SNW1: variants seen among roughly 807,000 people sequenced by gnomAD.
The protein encoded by SNW1 is SNW domain-containing protein 1.
A neutral mutation model predicts 75.6 loss-of-function variants in SNW1; 9 were observed. The ratio of observed to expected loss-of-function variants is 0.12; its 90% confidence interval spans 0.07 to 0.21. The LOEUF is 0.21. SNW1 is among the 10% of genes least tolerant of loss of function. SNW1 has a pLI of 1.00. For missense variants in SNW1, 409 were observed against 670.9 expected (o/e 0.61, Z 4.31); for synonymous variants, 200 against 219.1 (o/e 0.91, Z 0.77).
chr14:77,728,895 A>C (rs1837298676), intron 10 of SNW1, among the ~76,000 whole-genome samples: 1 of 152,232 alleles, frequency 6.6e-6, no homozygotes, highest in African/African-American at 2.4e-5. Flanking sequence ...TTTTACTACT[A>C]TCTGGCAAGA....
At chr14:77,737,205 A>C in intron 5 of SNW1, 130 bp from the exon 6 acceptor site, 1 of 621,806 alleles carries the variant, frequency 1.6e-6, no homozygotes, top group Non-Finnish European at 2.9e-6. Context: ...AAAATTAACA[A>C]AATATTTAGA....
Position 77,717,919 on chromosome 14 carries a change from T to C in SNW1, c.*169A>G. 1 of 614,624 alleles carries C rather than the reference T, an allele frequency of 1.6e-6. No homozygotes were observed. 38.1% of individuals were successfully genotyped at this position (614,624 alleles called of 1,614,324 possible). On this transcript the variant is annotated 3_prime_UTR_variant, in exon 14 of 14. Coordinates refer to ENST00000261531, the MANE Select transcript of SNW1 (RefSeq NM_012245.3). ...CCACTCTTTAAAAAAAACTAAATAA[T>C]TCAAAGTAGAATTTTCTATCCCCCC...
In SNW1 at chr14:77,744,073, T is replaced by C. The variant is rs952721286; in HGVS notation, c.331-5012A>G. Among the ~76,000 whole-genome samples the C allele has an allele frequency of 6.7e-5, 10 of 149,980 alleles. No individual in the cohort carries two copies. In the South Asian group the frequency reaches 8.4e-4, roughly 13 times the overall value. On this transcript the variant is annotated intron_variant, in intron 3 of 13. Coordinates refer to ENST00000261531, the MANE Select transcript of SNW1 (RefSeq NM_012245.3). ...CCTGTAATCCCATCACTTTGGGAGG[T>C]TGCAGTGAGCCAAGATCGTGCCACT...
chr14:77,751,518 T>A (rs754982886), intron 2 of SNW1, 38 bp from the exon 3 acceptor site: 2 of 1,483,428 alleles, frequency 1.3e-6, no homozygotes, highest in South Asian at 1.3e-5. Flanking sequence ...TAGTTAATCA[T>A]CATTTGACAT....
At chr14:77,737,437 G>A (rs888230558) in intron 5 of SNW1, among the ~76,000 whole-genome samples, 3 of 152,016 alleles carry the variant, frequency 2.0e-5, no homozygotes, top group African/African-American at 7.3e-5. Flanking sequence ...GGCAACTTAC[G>A]GTTAGCAGTT....
Position 77,720,314 on chromosome 14 carries a change from T to C in SNW1, c.1248+397A>G, listed in dbSNP as rs2080529133. 3.9e-5 allele frequency among the ~76,000 whole-genome samples: 6 copies of C among 152,116 alleles called. No homozygotes were observed. In the South Asian group the frequency reaches 1.2e-3, roughly 32 times the overall value. Reference sequence around the variant, plus strand: ...CACACCTGGCTAGTTTTCGTATTTTTAGTAGAGATGGGGTTTCACCATGTT... The same window carrying C: ...CACACCTGGCTAGTTTTCGTATTTTCAGTAGAGATGGGGTTTCACCATGTT... On this transcript the variant is annotated intron_variant, in intron 12 of 13. Coordinates refer to ENST00000261531, the MANE Select transcript of SNW1 (RefSeq NM_012245.3).
chr14:77,751,379 C>T lies in SNW1; in HGVS notation c.270G>A (p.Val90=), dbSNP rs1303622434. The part of the protein sequence containing the change: ...KKMSNALAIQ[V]DSEGKIKYDA... Reference sequence around the variant, plus strand: ...CATATTTAATTTTTCCTTCAGAATCCACCTGAATGGCCAGCGCATTCGACA... The same window carrying T: ...CATATTTAATTTTTCCTTCAGAATCTACCTGAATGGCCAGCGCATTCGACA... The change falls in exon 3 of 14, where the codon GTG becomes GTA. Residue 90 remains valine, a synonymous_variant. Coordinates refer to ENST00000261531, the MANE Select transcript of SNW1 (RefSeq NM_012245.3). 6.2e-7 allele frequency: 1 copy of T among 1,613,650 alleles called. No homozygotes were observed. The highest frequency in any genetic ancestry group is 1.7e-5 in the Admixed American group (1 of 59,936).
At chr14:77,732,422 T>G in intron 9 of SNW1, 63 bp downstream of exon 9, 1 of 909,880 alleles carries the variant, frequency 1.1e-6, no homozygotes, top group South Asian at 1.3e-5. Flanking sequence ...TATCAGTACC[T>G]TAGGTAACCA....
At chr14:77,731,666 T>A (rs945032952) in intron 9 of SNW1, among the ~76,000 whole-genome samples, 1 of 152,256 alleles carries the variant, frequency 6.6e-6, no homozygotes. Flanking sequence ...AAAAGACATT[T>A]TTTTTATGTT....
In SNW1 at chr14:77,717,954, A is replaced by G; in HGVS notation, c.*134T>C. 2 of 742,484 alleles carry G rather than the reference A, an allele frequency of 2.7e-6. No homozygotes were observed. The highest frequency in any genetic ancestry group is 4.4e-6 in the Non-Finnish European group (2 of 458,774). The allele number at this position is 742,484 out of a possible 1,614,324, so 46.0% of individuals were successfully genotyped here. A position where few individuals can be genotyped will look rare whatever the true frequency, so the allele number is the denominator to read the frequency against. ...AATTTTCTATCCCCCCCATTTCTCC[A>G]GTAATAAAAAGTAGTGCTGGGATCT... On this transcript the variant is annotated 3_prime_UTR_variant, in exon 14 of 14. Transcript: ENST00000261531.
chr14:77,732,323 A>G (rs1339092953), intron 9 of SNW1, among the ~76,000 whole-genome samples, 162 bp downstream of exon 9: 1 of 152,254 alleles, frequency 6.6e-6, no homozygotes, highest in Non-Finnish European at 1.5e-5. Flanking sequence ...AGCTGGGAGC[A>G]TGCAGAGAGC....
chr14:77,734,759 C>T (rs528923004), intron 8 of SNW1, among the ~76,000 whole-genome samples, 188 bp downstream of exon 8: 78 of 151,756 alleles, frequency 5.1e-4, no homozygotes, highest in Non-Finnish European at 9.4e-4. Context: ...GGAACTGACA[C>T]GGTATTCACG....
rs768418850 is a variant in SNW1 at position 77,761,148 on chromosome 14, G to T, written c.-21C>A. 6.2e-7 allele frequency: 1 copy of T among 1,614,246 alleles called. No homozygotes were observed. The highest frequency in any genetic ancestry group is 1.1e-5 in the South Asian group (1 of 91,088). ...GCCATCTTCTTCCGCTTCTTCCAGC[G>T]CGAGCGACAGCACCGCTGGGCGGGT... On this transcript the variant is annotated 5_prime_UTR_variant, in exon 1 of 14. Coordinates refer to ENST00000261531, the MANE Select transcript of SNW1 (RefSeq NM_012245.3).
chr14:77,717,714 C>A lies in SNW1; in HGVS notation c.*374G>T. ...GCAAAATTTATTTGGCAGGACAGTT[C>A]CAGTATGTGAACATCTTCCTCCTCA... On this transcript the variant is annotated 3_prime_UTR_variant, in exon 14 of 14. Coordinates refer to ENST00000261531, the MANE Select transcript of SNW1 (RefSeq NM_012245.3). 1.5e-6 allele frequency: 1 copy of A among 670,368 alleles called. No homozygotes were observed. Among genetic ancestry groups the A allele is most frequent in the South Asian group, 1.9e-5 (1 of 52,116 alleles). The allele number at this position is 670,368 out of a possible 1,614,324, so 41.5% of individuals were successfully genotyped here. A position where few individuals can be genotyped will look rare whatever the true frequency, so the allele number is the denominator to read the frequency against.
intron 10 of SNW1, among the ~76,000 whole-genome samples, chr14:77,726,149 TG>T (rs1306413436): frequency 5.3e-5 from 8 of 152,304 alleles, no homozygotes; most frequent in African/African-American, 1.7e-4. Context: ...ATTTTAGTAT[TG>T]TTTTTTCTAT....
chr14:77,722,399 G>T, intron 11 of SNW1: 1 of 374,662 alleles, frequency 2.7e-6, no homozygotes, highest in Non-Finnish European at 5.3e-6. Flanking sequence ...AAAATGAGCT[G>T]ATTTTCTACT....
chr14:77,723,171 T>C lies in SNW1; in HGVS notation c.1130+10A>G. On this transcript the variant is annotated intron_variant, in intron 11 of 13. Transcript: ENST00000261531. ...CACCATGATTGGTACACATCTTAAA[T>C]AACACCTACCTCTTATCAGGAGCTG... 6.2e-7 allele frequency: 1 copy of C among 1,610,000 alleles called. No homozygotes were observed. Among genetic ancestry groups the C allele is most frequent in the Non-Finnish European group, 8.5e-7 (1 of 1,176,446 alleles).
At chr14:77,748,334 T>C (rs1050643106) in intron 3 of SNW1, among the ~76,000 whole-genome samples, 10 of 152,134 alleles carry the variant, frequency 6.6e-5, no homozygotes, top group African/African-American at 2.4e-4. Flanking sequence ...GTTTATCTGC[T>C]GACCTTCCCT....
rs2080580409 is a variant in SNW1 at position 77,725,814 on chromosome 14, G to A, written c.1034-2537C>T. On this transcript the variant is annotated intron_variant, in intron 10 of 13. Coordinates refer to ENST00000261531, the MANE Select transcript of SNW1 (RefSeq NM_012245.3). ...TGCCTTAGTCCCAGTTACTTGGGAG[G>A]CCAAGGTGGGAGGATAGCTTGAGTC... 2.0e-5 allele frequency among the ~76,000 whole-genome samples: 3 copies of A among 152,174 alleles called. No homozygotes were observed. In the South Asian group the frequency reaches 6.2e-4, roughly 31 times the overall value.
Sources: gnomAD v4.1 joint callset for allele counts (sites outside exome capture counted in the v4.1 genomes callset) on GRCh38, gnomAD v4.1.1 for gene constraint, MANE v1.5 for transcripts, NCBI Gene and HGNC (gene_info 2026-07-23, HGNC 2026-07-21) for gene names.